The following KIRREL3 variants were observed in gnomAD, a reference collection of about 807,000 sequenced individuals.
The protein encoded by KIRREL3 is kirre like nephrin family adhesion molecule 3.
Under a neutral mutation model 89.7 loss-of-function variants are expected in KIRREL3, and 36 were observed. That is an observed-to-expected ratio of 0.40 (90% CI 0.31 to 0.53). The LOEUF (loss-of-function observed/expected upper bound fraction) is 0.53, where lower values mean the gene tolerates loss of function less well. KIRREL3 is among the 20% of genes least tolerant of loss of function. The pLI is 0.49. For synonymous variants in KIRREL3, 445 were observed against 441.4 expected, an observed-to-expected ratio of 1.01 and a Z score of -0.10; for missense variants, 864 against 1,056.6, an observed-to-expected ratio of 0.82 and a Z score of 2.53.
In KIRREL3 at chr11:126,705,381, G is replaced by T. The variant is rs1376803171; in HGVS notation, c.56-142469C>A. ...ACCTCTTGGTGATAAGTGAGTTGTT[G>T]ATCAGTTTGTTCACATGAGATCTGG... On this transcript the variant is annotated intron_variant, in intron 1 of 16. Coordinates refer to ENST00000525144, the MANE Select transcript of KIRREL3 (RefSeq NM_032531.4). This position sits in a 1 kb window ranked among gnomAD's most constrained non-coding sequence, Gnocchi z 4.3. 6.6e-6 allele frequency among the ~76,000 whole-genome samples: 1 copy of T among 152,114 alleles called. No homozygotes were observed. The highest frequency in any genetic ancestry group is 1.5e-5 in the Non-Finnish European group (1 of 68,018).
intron 1 of KIRREL3, among the ~76,000 whole-genome samples, chr11:126,716,988 GATGA>G (rs1412960906): frequency 6.6e-6 from 1 of 152,118 alleles, no homozygotes; most frequent in African/African-American, 2.4e-5. Flanking sequence ...GTTTTTGACA[GATGA>G]ATGACCAATG....
intron 11 of KIRREL3, among the ~76,000 whole-genome samples, chr11:126,438,442 G>A (rs1448930988): frequency 6.6e-6 from 1 of 152,180 alleles, no homozygotes; most frequent in Non-Finnish European, 1.5e-5. Context: ...TGGCCGTGGG[G>A]CTCTCCCAGG....
Position 126,699,229 on chromosome 11 carries a change from G to T in KIRREL3, c.56-136317C>A, listed in dbSNP as rs1355912781. ...GGAAATGTCACACAGAGGCGATTTT[G>T]ACAGAGCCAGAGCCCCTCCATCCAG... On this transcript the variant is annotated intron_variant, in intron 1 of 16. Transcript: ENST00000525144. Among the ~76,000 whole-genome samples the T allele has an allele frequency of 5.3e-5, 8 of 152,314 alleles. No homozygotes were observed. The East Asian group carries it at 1.5e-3, about 29-fold the overall frequency.
At chr11:126,726,650 G>A (rs1948393744) in intron 1 of KIRREL3, among the ~76,000 whole-genome samples, 1 of 152,108 alleles carries the variant, frequency 6.6e-6, no homozygotes, top group Non-Finnish European at 1.5e-5. Context: ...TAACAGGTGT[G>A]AGCCATGTGA....
Position 126,521,250 on chromosome 11 carries a change from C to G in KIRREL3, c.433+65G>C. 1 of 1,429,156 alleles carries G rather than the reference C, an allele frequency of 7.0e-7. No homozygotes were observed. Among genetic ancestry groups the G allele is most frequent in the Non-Finnish European group, 9.2e-7 (1 of 1,083,358 alleles). 88.5% of individuals were successfully genotyped at this position (1,429,156 alleles called of 1,614,324 possible). ...TCCCCATGTCTGACCAAAAAAATAC[C>G]CTCTTGGAGCTGAGCCCTTGGTGCT... On this transcript the variant is annotated intron_variant, in intron 4 of 16. Transcript: ENST00000525144. The surrounding 1 kb of genome is among the most constrained non-coding windows in gnomAD (Gnocchi z 4.1).
rs1938336700 is a variant in KIRREL3, at chr11:126,541,154, C to G, written c.134-14467G>C. ...AGGCTAGGTCATGGATTGGCTGACT[C>G]CAAGATGCCCAGCACCTCTTGCTCC... On this transcript the variant is annotated intron_variant, in intron 2 of 16. Coordinates refer to ENST00000525144, the MANE Select transcript of KIRREL3 (RefSeq NM_032531.4). The surrounding 1 kb of genome is among the most constrained non-coding windows in gnomAD (Gnocchi z 4.8). Among the ~76,000 whole-genome samples, 1 of 152,138 alleles carries G rather than the reference C, an allele frequency of 6.6e-6. No homozygotes were observed. Among genetic ancestry groups the G allele is most frequent in the Admixed American group, 6.5e-5 (1 of 15,274 alleles).
intron 1 of KIRREL3, among the ~76,000 whole-genome samples, chr11:126,698,359 G>C (rs1947181325): frequency 6.6e-6 from 1 of 152,204 alleles, no homozygotes; most frequent in Admixed American, 6.5e-5. Flanking sequence ...GGCCTGCTAA[G>C]ACTCTATTTT....
Position 126,608,967 on chromosome 11 carries a change from GGTA to G in KIRREL3, c.56-46058_56-46056del, listed in dbSNP as rs1943007482. 2.0e-5 allele frequency among the ~76,000 whole-genome samples: 3 copies of G among 152,142 alleles called. No individual in the cohort carries two copies. Among genetic ancestry groups the G allele is most frequent in the Admixed American group, 6.5e-5 (1 of 15,288 alleles). On this transcript the variant is annotated intron_variant, in intron 1 of 16. Transcript: ENST00000525144. This position sits in a 1 kb window ranked among gnomAD's most constrained non-coding sequence, Gnocchi z 4.9. ...TTCCTGTGGGTCAGAGTACAGGGTG[GGTA>G]GCAGAAACAATCAGGCCAGAGGGGT...
At position 126,578,392 on chromosome 11, in the gene KIRREL3, G is replaced by A. The variant is rs1248068471; in HGVS notation, c.56-15480C>T. On this transcript the variant is annotated intron_variant, in intron 1 of 16. Coordinates refer to ENST00000525144, the MANE Select transcript of KIRREL3 (RefSeq NM_032531.4). This position sits in a 1 kb window ranked among gnomAD's most constrained non-coding sequence, Gnocchi z 4.9. ...ATTGGAAGAGATCCTTGGTTCACAC[G>A]CTAGGAAAGAAAAGGGATGATCTTG... Among the ~76,000 whole-genome samples, 2 of 152,314 alleles carry A rather than the reference G, an allele frequency of 1.3e-5. No homozygotes were observed. Among genetic ancestry groups the A allele is most frequent in the African/African-American group, 2.4e-5 (1 of 41,564 alleles).
At chr11:126,878,959 G>A (rs1460706283) in intron 1 of KIRREL3, among the ~76,000 whole-genome samples, 1 of 152,026 alleles carries the variant, frequency 6.6e-6, no homozygotes, top group East Asian at 1.9e-4. Context: ...AAAGGAAAGG[G>A]GAAAAAAGAG....
At position 126,431,897 on chromosome 11, in the gene KIRREL3, A is replaced by G. The variant is rs1955147667; in HGVS notation, c.1589-371T>C. On this transcript the variant is annotated intron_variant, in intron 13 of 16. Coordinates refer to ENST00000525144, the MANE Select transcript of KIRREL3 (RefSeq NM_032531.4). The surrounding 1 kb of genome is among the most constrained non-coding windows in gnomAD (Gnocchi z 7.1). ...CTCTGGCATTAAACAGGAATGCTCTATCACACAGCGGCCAGTGAGTCATAG... is the reference window on the plus strand; with the variant it reads ...CTCTGGCATTAAACAGGAATGCTCTGTCACACAGCGGCCAGTGAGTCATAG... Among the ~76,000 whole-genome samples the G allele has an allele frequency of 6.6e-6, 1 of 152,242 alleles. No individual in the cohort carries two copies. The highest frequency in any genetic ancestry group is 1.5e-5 in the Non-Finnish European group (1 of 68,038).
Position 127,000,330 on chromosome 11 carries a change from C to T in KIRREL3, c.55+125G>A. 1.4e-6 allele frequency: 1 copy of T among 713,370 alleles called. No individual in the cohort carries two copies. The allele number at this position is 713,370 out of a possible 1,614,324, so 44.2% of individuals were successfully genotyped here. On this transcript the variant is annotated intron_variant, in intron 1 of 16. Transcript: ENST00000525144. This position sits in a 1 kb window ranked among gnomAD's most constrained non-coding sequence, Gnocchi z 7.1. ...AGAGGCAATGCCAGAGCATCTCAGC[C>T]CGGCACCGAGAGACGCATCCATCAG...
chr11:126,945,356 G>A (rs1011640050), intron 1 of KIRREL3, among the ~76,000 whole-genome samples: 3 of 152,152 alleles, frequency 2.0e-5, no homozygotes, highest in Admixed American at 1.3e-4. Context: ...GTGGGAGAAT[G>A]CCAGAGACTG....
chr11:126,720,093 T>C (rs969818228), intron 1 of KIRREL3, among the ~76,000 whole-genome samples: 3 of 152,248 alleles, frequency 2.0e-5, no homozygotes, highest in Non-Finnish European at 4.4e-5. Flanking sequence ...CTATTTTTCC[T>C]GCCTCTTGAC....
At chr11:126,816,216 A>C (rs1052268938) in intron 1 of KIRREL3, among the ~76,000 whole-genome samples, 5 of 152,266 alleles carry the variant, frequency 3.3e-5, no homozygotes, top group African/African-American at 9.6e-5. Flanking sequence ...CTAGTGCTAC[A>C]TGTTAAAATT....
chr11:126,591,502 G>A (rs1482275644), intron 1 of KIRREL3, among the ~76,000 whole-genome samples: 1 of 152,190 alleles, frequency 6.6e-6, no homozygotes, highest in East Asian at 1.9e-4. Context: ...GCAGCTCAGA[G>A]GGCTTCTACA....
In KIRREL3 at chr11:126,906,587, T is replaced by C. The variant is rs1489613031; in HGVS notation, c.55+93868A>G. The stretch of plus-strand genomic sequence containing the variant: ...TGAAAAACAGCGTTGTTTTTTGTTT[T>C]TGTTTTTGCTTCAGATCTCCTTTCC... On this transcript the variant is annotated intron_variant, in intron 1 of 16. Transcript: ENST00000525144. This position sits in a 1 kb window ranked among gnomAD's most constrained non-coding sequence, Gnocchi z 4.1. 1.3e-5 allele frequency among the ~76,000 whole-genome samples: 2 copies of C among 150,062 alleles called. No homozygotes were observed. Among genetic ancestry groups the C allele is most frequent in the Non-Finnish European group, 3.0e-5 (2 of 67,640 alleles).
intron 4 of KIRREL3, among the ~76,000 whole-genome samples, chr11:126,500,578 A>G (rs998696087): frequency 6.6e-6 from 1 of 152,136 alleles, no homozygotes; most frequent in African/African-American, 2.4e-5. Context: ...CGTCTCTACA[A>G]AAAGTACAAA....
rs917358565 is a variant in KIRREL3 at position 126,771,524 on chromosome 11, T to A, written c.56-208612A>T. On this transcript the variant is annotated intron_variant, in intron 1 of 16. Transcript: ENST00000525144. The surrounding 1 kb of genome is among the most constrained non-coding windows in gnomAD (Gnocchi z 4.4). ...GATTGGTGCAAAAATAATCACAATT[T>A]TTGCCATTAAAAGTAACAGCAAAAC... 6.6e-6 allele frequency among the ~76,000 whole-genome samples: 1 copy of A among 152,188 alleles called. No individual in the cohort carries two copies. Among genetic ancestry groups the A allele is most frequent in the African/African-American group, 2.4e-5 (1 of 41,428 alleles).
Sources: allele counts gnomAD v4.1 joint callset (sites outside exome capture counted in the v4.1 genomes callset), GRCh38; gene constraint gnomAD v4.1.1; non-coding constraint Gnocchi (gnomAD v3.1); transcripts MANE v1.5; gene names NCBI Gene and HGNC (gene_info 2026-07-23, HGNC 2026-07-21).